Variants in SCMH1 observed in about 807,000 individuals in gnomAD.
SCMH1 encodes Scm polycomb group protein homolog 1, also known as polycomb protein SCMH1.
SCMH1 carries 37 observed loss-of-function variants against 70.8 expected under a neutral mutation model. The ratio of observed to expected loss-of-function variants is 0.52; its 90% confidence interval spans 0.40 to 0.69. The LOEUF (loss-of-function observed/expected upper bound fraction) is 0.69. Among genes scored for constraint, SCMH1 ranks in the 30% least tolerant of loss-of-function variants. The pLI is 0.00. For synonymous variants in SCMH1, 292 were observed against 307.4 expected (o/e 0.95, Z 0.52); for missense variants, 607 against 827.3 (o/e 0.73, Z 3.27).
chr1:41,115,148 T>C (rs189294930), intron 7 of SCMH1, among the ~76,000 whole-genome samples: 10 of 152,378 alleles, frequency 6.6e-5, no homozygotes, highest in Admixed American at 4.6e-4. Flanking sequence ...TGTTGTTAAA[T>C]GCAAATAAAG....
At chr1:41,089,032 G>C (rs1163426255) in intron 8 of SCMH1, among the ~76,000 whole-genome samples, 1 of 152,118 alleles carries the variant, frequency 6.6e-6, no homozygotes, top group African/African-American at 2.4e-5. Flanking sequence ...CTGAGCCCCA[G>C]CCTCTGAGTT....
chr1:41,159,706 A>G (rs1039520892), intron 4 of SCMH1: 1 of 1,529,968 alleles, frequency 6.5e-7, no homozygotes, highest in African/African-American at 1.4e-5. Flanking sequence ...ATCATTTATC[A>G]AGTGCCAGGC....
intron 2 of SCMH1, among the ~76,000 whole-genome samples, chr1:41,172,541 A>G (rs1646856025): frequency 1.3e-5 from 2 of 152,140 alleles, no homozygotes. Flanking sequence ...TGCAATCCCT[A>G]TCAAAATACC....
chr1:41,166,496 ATTTGT>A (rs928836380), intron 2 of SCMH1, among the ~76,000 whole-genome samples: 15 of 151,932 alleles, frequency 9.9e-5, no homozygotes, highest in African/African-American at 3.4e-4. Flanking sequence ...CTTTCCACTT[ATTTGT>A]GATGTCCTTA....
At chr1:41,104,350 G>A (rs749865177) in intron 8 of SCMH1, among the ~76,000 whole-genome samples, 4 of 152,188 alleles carry the variant, frequency 2.6e-5, no homozygotes, top group Non-Finnish European at 5.9e-5. Flanking sequence ...GCATACGTGT[G>A]TTTATGGAAG....
intron 8 of SCMH1, among the ~76,000 whole-genome samples, chr1:41,100,623 T>C (rs1474328183): frequency 2.0e-5 from 3 of 150,908 alleles, no homozygotes; most frequent in African/African-American, 7.3e-5. Flanking sequence ...TGGAGTGCAG[T>C]GGCACGATCT....
At chr1:41,027,865 G>T in exon 15 of SCMH1, 1 of 297,098 alleles carries the variant, frequency 3.4e-6, no homozygotes, top group Non-Finnish European at 6.3e-6. Flanking sequence ...GACAGAGTTG[G>T]CCTTTTCCTC....
chr1:41,179,033 G>A (rs1167847147), intron 2 of SCMH1, among the ~76,000 whole-genome samples: 1 of 152,090 alleles, frequency 6.6e-6, no homozygotes, highest in Non-Finnish European at 1.5e-5. Flanking sequence ...ATAACAAACT[G>A]TCTCTCAGAC....
intron 1 of SCMH1, among the ~76,000 whole-genome samples, chr1:41,200,768 A>C (rs2148721384): frequency 6.6e-6 from 1 of 152,286 alleles, no homozygotes; most frequent in Non-Finnish European, 1.5e-5. Context: ...CGCTTCTTAG[A>C]ATGGCTTTTT....
exon 6 of SCMH1, chr1:41,143,105 G>T (rs750756544): frequency 5.0e-6 from 8 of 1,613,864 alleles, no homozygotes; most frequent in Admixed American, 1.7e-5. Context: ...GCTTGGAGGT[G>T]TGTAGGACTG....
intron 10 of SCMH1, among the ~76,000 whole-genome samples, chr1:41,057,988 G>C (rs1651048012): frequency 2.0e-5 from 3 of 151,874 alleles, no homozygotes; most frequent in Non-Finnish European, 4.4e-5. Flanking sequence ...CAGGTGTGGT[G>C]GCGTGCGCCT....
chr1:41,034,037 C>A (rs1301727947), intron 13 of SCMH1: 1 of 1,610,728 alleles, frequency 6.2e-7, no homozygotes, highest in East Asian at 2.2e-5. Context: ...TCATTTGATC[C>A]TTTTAACACT....
intron 6 of SCMH1, among the ~76,000 whole-genome samples, chr1:41,135,423 G>A (rs1356481911): frequency 6.6e-6 from 1 of 152,150 alleles, no homozygotes; most frequent in Non-Finnish European, 1.5e-5. Context: ...ATGATAATGA[G>A]TAAGTTCTCA....
intron 1 of SCMH1, among the ~76,000 whole-genome samples, chr1:41,220,383 T>C (rs573764735): frequency 6.6e-6 from 1 of 152,386 alleles, no homozygotes; most frequent in South Asian, 2.1e-4. Context: ...AATAATGTTA[T>C]GTGAACTAAG....
chr1:41,075,181 A>T (rs2011981), intron 9 of SCMH1, 38 bp downstream of exon 9: 1,287,383 of 1,599,772 alleles, frequency 0.8, 520,359 homozygotes, highest in African/African-American at 0.96. Flanking sequence ...CCCTTTATAA[A>T]CCCTTATTCC....
intron 6 of SCMH1, among the ~76,000 whole-genome samples, chr1:41,117,508 C>A (rs1251538897): frequency 2.0e-5 from 3 of 151,312 alleles, no homozygotes; most frequent in African/African-American, 7.3e-5. Context: ...TCACCCTTTC[C>A]CCGGGGAAGT....
intron 7 of SCMH1, among the ~76,000 whole-genome samples, chr1:41,116,521 T>C (rs1177709097): frequency 6.6e-6 from 1 of 152,212 alleles, no homozygotes; most frequent in Non-Finnish European, 1.5e-5. Flanking sequence ...CATGAGATAG[T>C]ATATATAAAG....
intron 1 of SCMH1, among the ~76,000 whole-genome samples, chr1:41,196,829 G>A (rs535301625): frequency 3.9e-5 from 6 of 152,022 alleles, no homozygotes; most frequent in South Asian, 4.2e-4. Flanking sequence ...AAATATACAC[G>A]GAACCCCTAT....
intron 6 of SCMH1, among the ~76,000 whole-genome samples, chr1:41,122,965 A>T (rs1672304341): frequency 1.3e-5 from 2 of 152,314 alleles, no homozygotes; most frequent in East Asian, 3.9e-4. Flanking sequence ...TTCACCTGTA[A>T]TCGCAGCATT....
Sources: gnomAD v4.1 joint callset for allele counts (sites outside exome capture counted in the v4.1 genomes callset) on GRCh38, gnomAD v4.1.1 for gene constraint, MANE v1.5 for transcripts, NCBI Gene and HGNC (gene_info 2026-07-23, HGNC 2026-07-21) for gene names.